FBXL7: variants seen among roughly 807,000 people sequenced by gnomAD.
FBXL7 encodes the protein F-box/LRR-repeat protein 7.
FBXL7 carries 12 observed loss-of-function variants against 38.3 expected under a neutral mutation model. The observed-to-expected ratio is 0.31, with a 90% CI of 0.20 to 0.51. FBXL7 has a LOEUF of 0.51. Among genes scored for constraint, FBXL7 ranks in the 20% least tolerant of loss-of-function variants. FBXL7 has a pLI of 0.98. For missense variants in FBXL7, 567 were observed against 676.4 expected (o/e 0.84, Z 1.79); for synonymous variants, 297 against 300.9 (o/e 0.99, Z 0.13).
intron 2 of FBXL7, among the ~76,000 whole-genome samples, chr5:15,799,333 A>C (rs559574123): frequency 7.0e-6 from 1 of 141,998 alleles, no homozygotes; most frequent in East Asian, 2.2e-4. Context: ...AAGATCTTTT[A>C]GGTGCCTGCC....
At chr5:15,569,151 A>C (rs1476801328) in intron 1 of FBXL7, among the ~76,000 whole-genome samples, 1 of 152,108 alleles carries the variant, frequency 6.6e-6, no homozygotes, top group Admixed American at 6.5e-5. Context: ...CTTGATGGGG[A>C]TGGCATTGAA....
chr5:15,593,937 T>G (rs1739548504), intron 1 of FBXL7, among the ~76,000 whole-genome samples: 1 of 152,186 alleles, frequency 6.6e-6, no homozygotes, highest in African/African-American at 2.4e-5. Flanking sequence ...TTATAATTAG[T>G]TTGAACCATA....
chr5:15,680,871 A>C (rs1467681306), intron 2 of FBXL7, among the ~76,000 whole-genome samples: 1 of 152,176 alleles, frequency 6.6e-6, no homozygotes, highest in Non-Finnish European at 1.5e-5. Context: ...AATTATTCTC[A>C]CTGCCTAAAT....
chr5:15,917,977 G>A (rs906781380), intron 2 of FBXL7, among the ~76,000 whole-genome samples: 1 of 152,152 alleles, frequency 6.6e-6, no homozygotes, highest in Non-Finnish European at 1.5e-5. Context: ...AGTGGCTCAT[G>A]CCTGTAATCC....
intron 2 of FBXL7, among the ~76,000 whole-genome samples, chr5:15,775,862 A>G (rs1368176655): frequency 2.0e-5 from 3 of 152,158 alleles, no homozygotes; most frequent in African/African-American, 4.8e-5. Flanking sequence ...TTCATTGTGA[A>G]TCTTTGCTTT....
chr5:15,859,041 C>T lies in FBXL7; in HGVS notation c.128-68849C>T, dbSNP rs554032420. ...CTCACATTATTTAAAGTTAGGTTTT[C>T]AAATCCAATACTTACGATCAAGTGC... On this transcript the variant is annotated intron_variant, in intron 2 of 3. Transcript: ENST00000504595. 2.2e-4 allele frequency among the ~76,000 whole-genome samples: 33 copies of T among 152,188 alleles called. No homozygotes were observed. In the South Asian group the frequency reaches 6.4e-3, roughly 30 times the overall value.
At chr5:15,535,948 G>A (rs960875044) in intron 1 of FBXL7, among the ~76,000 whole-genome samples, 6 of 152,258 alleles carry the variant, frequency 3.9e-5, no homozygotes, top group African/African-American at 7.2e-5. Context: ...AGGCCTAGAA[G>A]GGAAAAATGG....
chr5:15,526,335 G>C (rs550402899), intron 1 of FBXL7, among the ~76,000 whole-genome samples: 1 of 152,248 alleles, frequency 6.6e-6, no homozygotes, highest in South Asian at 2.1e-4. Context: ...TACCTCACTC[G>C]CTTCTCAACA....
chr5:15,903,523 C>T (rs1017190841), intron 2 of FBXL7, among the ~76,000 whole-genome samples: 6 of 152,134 alleles, frequency 3.9e-5, no homozygotes, highest in African/African-American at 1.4e-4. Context: ...TTCCAACTGA[C>T]ATTTTTTATG....
chr5:15,876,587 G>A (rs987770627), intron 2 of FBXL7, among the ~76,000 whole-genome samples: 1 of 152,216 alleles, frequency 6.6e-6, no homozygotes, highest in African/African-American at 2.4e-5. Flanking sequence ...TTAGAAACGT[G>A]AAACTTAGAA....
At chr5:15,728,661 C>G (rs1735488916) in intron 2 of FBXL7, among the ~76,000 whole-genome samples, 2 of 152,140 alleles carry the variant, frequency 1.3e-5, no homozygotes, top group African/African-American at 4.8e-5. Flanking sequence ...AATTATGTTT[C>G]TGAATGCAAC....
intron 2 of FBXL7, among the ~76,000 whole-genome samples, chr5:15,881,152 A>G (rs1442530383): frequency 1.3e-5 from 2 of 152,106 alleles, no homozygotes; most frequent in African/African-American, 4.8e-5. Flanking sequence ...GCAGTACCCA[A>G]TGTGTAGTCT....
At chr5:15,642,955 A>C (rs1389647897) in intron 2 of FBXL7, among the ~76,000 whole-genome samples, 1 of 152,218 alleles carries the variant, frequency 6.6e-6, no homozygotes, top group Admixed American at 6.5e-5. Context: ...CCAGAGTACC[A>C]GTTGACTCAT....
intron 2 of FBXL7, 84 bp downstream of exon 2, chr5:15,616,156 G>A: frequency 1.1e-6 from 1 of 930,026 alleles, no homozygotes; most frequent in South Asian, 1.5e-5. Flanking sequence ...GGGAGTGTTA[G>A]TTCTATTCTC....
chr5:15,873,617 C>G (rs1266841503), intron 2 of FBXL7, among the ~76,000 whole-genome samples: 1 of 151,924 alleles, frequency 6.6e-6, no homozygotes, highest in Admixed American at 6.6e-5. Context: ...ACAAAGTACT[C>G]TCAGAGAATA....
chr5:15,733,621 T>C (rs1231969220), intron 2 of FBXL7, among the ~76,000 whole-genome samples: 2 of 152,118 alleles, frequency 1.3e-5, no homozygotes, highest in East Asian at 3.9e-4. Flanking sequence ...AGGCCAGAAT[T>C]TGGAGTCTGA....
chr5:15,551,433 G>A (rs1179573010), intron 1 of FBXL7, among the ~76,000 whole-genome samples: 2 of 152,160 alleles, frequency 1.3e-5, no homozygotes, highest in Non-Finnish European at 2.9e-5. Flanking sequence ...GTCACACTGG[G>A]GGTCTGTAGT....
At chr5:15,793,614 G>T (rs1225301480) in intron 2 of FBXL7, among the ~76,000 whole-genome samples, 1 of 152,140 alleles carries the variant, frequency 6.6e-6, no homozygotes, top group Non-Finnish European at 1.5e-5. Flanking sequence ...ACCCACTGTG[G>T]GTAGGAACAC....
chr5:15,722,384 A>G (rs1222916566), intron 2 of FBXL7, among the ~76,000 whole-genome samples: 1 of 152,194 alleles, frequency 6.6e-6, no homozygotes, highest in Non-Finnish European at 1.5e-5. Context: ...ATACCTGGAC[A>G]TAACAGCCTG....
Sources: gnomAD v4.1 joint callset for allele counts (sites outside exome capture counted in the v4.1 genomes callset) on GRCh38, gnomAD v4.1.1 for gene constraint, MANE v1.5 for transcripts, NCBI Gene and HGNC (gene_info 2026-07-23, HGNC 2026-07-21) for gene names.